PRTFDC1: variants seen among roughly 807,000 people sequenced by gnomAD.
The protein encoded by PRTFDC1 is phosphoribosyl transferase domain containing 1.
PRTFDC1 carries 38 observed loss-of-function variants against 34.6 expected under a neutral mutation model. The ratio of observed to expected loss-of-function variants is 1.10; its 90% confidence interval spans 0.85 to 1.44. The LOEUF (loss-of-function observed/expected upper bound fraction) is 1.44. Among genes scored for constraint, PRTFDC1 ranks in the 40% most tolerant of loss-of-function variants. PRTFDC1 has a pLI of 0.00. For synonymous variants in PRTFDC1, 93 were observed against 98.1 expected, an observed-to-expected ratio of 0.95 and a Z score of 0.31; for missense variants, 270 against 283.0, an observed-to-expected ratio of 0.95 and a Z score of 0.33.
intron 3 of PRTFDC1, among the ~76,000 whole-genome samples, chr10:24,891,081 T>C (rs556292785): frequency 1.3e-5 from 2 of 152,316 alleles, no homozygotes; most frequent in South Asian, 2.1e-4. Flanking sequence ...ACTTTGGGCA[T>C]AGTCATAAAA....
At chr10:24,882,883 C>T (rs904141279) in intron 3 of PRTFDC1, among the ~76,000 whole-genome samples, 7 of 150,650 alleles carry the variant, frequency 4.6e-5, no homozygotes, top group Non-Finnish European at 7.4e-5. Context: ...TTCTGAACAC[C>T]GAAAATATAA....
intron 3 of PRTFDC1, among the ~76,000 whole-genome samples, chr10:24,880,247 C>CT (rs1330120076): frequency 1.3e-5 from 2 of 149,798 alleles, no homozygotes; most frequent in African/African-American, 4.9e-5. Flanking sequence ...ATTTTTTTTT[C>CT]TTTTTTTTCT....
intron 1 of PRTFDC1, among the ~76,000 whole-genome samples, chr10:24,950,894 T>C (rs543424135): frequency 6.6e-6 from 1 of 152,346 alleles, no homozygotes; most frequent in African/African-American, 2.4e-5. Flanking sequence ...TCTCCAGAAT[T>C]CCAAATGTGA....
At chr10:24,936,248 A>G (rs1849048906) in intron 3 of PRTFDC1, among the ~76,000 whole-genome samples, 1 of 152,136 alleles carries the variant, frequency 6.6e-6, no homozygotes. Context: ...AAAGAAGTTA[A>G]CATCATAGAG....
intron 4 of PRTFDC1, among the ~76,000 whole-genome samples, chr10:24,869,217 CT>C (rs141753445): frequency 0.027 from 3,955 of 144,700 alleles, 147 homozygotes; most frequent in African/African-American, 0.086. Context: ...AGGCCTTTAT[CT>C]TTTTTTTTTT....
rs1178692890 is a variant in PRTFDC1 at position 24,855,342 on chromosome 10, T to C, written c.529A>G (p.Arg177Gly). ...VASLLVKRTS[R>G]SDGFRPDYAG... ...CAGTCAGGTCTAAAGCCGTCACTTC[T>C]GGATGTTCTCTTCACCAACAAACTA... The change falls in exon 7 of 9, where the codon AGA becomes GGA. Residue 177 changes from arginine to glycine, a missense_variant. Transcript: ENST00000320152. 2 of 1,614,032 alleles carry C rather than the reference T, an allele frequency of 1.2e-6. No individual in the cohort carries two copies. Among genetic ancestry groups the C allele is most frequent in the Non-Finnish European group, 1.7e-6 (2 of 1,180,014 alleles).
rs763633354 is a variant in PRTFDC1 at position 24,855,324 on chromosome 10, G to T, written c.547C>A (p.Pro183Thr). 6.2e-7 allele frequency: 1 copy of T among 1,613,742 alleles called. No individual in the cohort carries two copies. The highest frequency in any genetic ancestry group is 1.1e-5 in the South Asian group (1 of 91,060). ...KRTSRSDGFR[P>T]DYAGFEIPNL... Reference sequence around the variant, plus strand: ...AAAACTGAAAAACACTTACAGTCAGGTCTAAAGCCGTCACTTCTGGATGTT... The same window carrying T: ...AAAACTGAAAAACACTTACAGTCAGTTCTAAAGCCGTCACTTCTGGATGTT... The change falls in exon 7 of 9, where the codon CCT becomes ACT. Residue 183 changes from proline to threonine, a missense_variant. By Grantham distance (38) the Pro-to-Thr change is conservative. Transcript: ENST00000320152.
chr10:24,869,841 A>G (rs991308765), intron 4 of PRTFDC1, among the ~76,000 whole-genome samples: 2 of 152,144 alleles, frequency 1.3e-5, no homozygotes, highest in African/African-American at 2.4e-5. Context: ...GGGTGTGACC[A>G]TGTGGGCTTA....
chr10:24,852,554 C>T (rs1437182687), intron 7 of PRTFDC1, among the ~76,000 whole-genome samples: 1 of 152,182 alleles, frequency 6.6e-6, no homozygotes, highest in Non-Finnish European at 1.5e-5. Flanking sequence ...CCTCAGCCTC[C>T]TGAGTAGCTG....
At chr10:24,890,017 A>G (rs1175493311) in intron 3 of PRTFDC1, among the ~76,000 whole-genome samples, 1 of 152,240 alleles carries the variant, frequency 6.6e-6, no homozygotes, top group Non-Finnish European at 1.5e-5. Flanking sequence ...TCCAAGCAGA[A>G]TCTGGACTCC....
intron 3 of PRTFDC1, among the ~76,000 whole-genome samples, chr10:24,904,199 G>A (rs1848495687): frequency 1.3e-5 from 2 of 151,972 alleles, no homozygotes. Flanking sequence ...AGTTGTTTCA[G>A]TACCGGCCCT....
intron 6 of PRTFDC1, among the ~76,000 whole-genome samples, chr10:24,856,000 G>T (rs1278657929): frequency 1.3e-5 from 2 of 149,208 alleles, no homozygotes; most frequent in Non-Finnish European, 1.5e-5. Context: ...TGCAGTCTCA[G>T]CTACATGGGA....
In PRTFDC1 at chr10:24,900,413, C is replaced by G. The variant is rs113768347; in HGVS notation, c.340-28350G>C. Among the ~76,000 whole-genome samples the G allele has an allele frequency of 6.0e-3, 915 of 152,288 alleles. 8 individuals are homozygous for G. Among genetic ancestry groups the G allele is most frequent in the African/African-American group, 0.021 (881 of 41,556 alleles). On this transcript the variant is annotated intron_variant, in intron 3 of 8. Transcript: ENST00000320152. ...CGGAAGCTCTGTGGGTGATATTTTACCCTTAGGTAACTTAGAACTTTTGCA... is the reference window on the plus strand; with the variant it reads ...CGGAAGCTCTGTGGGTGATATTTTAGCCTTAGGTAACTTAGAACTTTTGCA...
chr10:24,901,579 A>G (rs1024691424), intron 3 of PRTFDC1, among the ~76,000 whole-genome samples: 1 of 152,112 alleles, frequency 6.6e-6, no homozygotes, highest in African/African-American at 2.4e-5. Context: ...TAAAAAAAAA[A>G]TTGGCCAGGC....
At chr10:24,857,821 T>G (rs1588572670) in intron 5 of PRTFDC1, among the ~76,000 whole-genome samples, 1 of 152,196 alleles carries the variant, frequency 6.6e-6, no homozygotes, top group Non-Finnish European at 1.5e-5. Context: ...CCATTTGCTG[T>G]ATTAGTCCAC....
chr10:24,849,129 T>G lies in PRTFDC1; in HGVS notation c.*715A>C, dbSNP rs1475424936. On this transcript the variant is annotated 3_prime_UTR_variant, in exon 9 of 9. Coordinates refer to ENST00000320152, the MANE Select transcript of PRTFDC1 (RefSeq NM_020200.7). ...GGGCCTTGCTGCTATTGTATTTTTT[T>G]CTAATTAAAATTCAGAGTATTAAAC... 1 of 152,460 alleles carries G rather than the reference T, an allele frequency of 6.6e-6. No individual in the cohort carries two copies. The highest frequency in any genetic ancestry group is 1.5e-5 in the Non-Finnish European group (1 of 68,050). The allele number at this position is 152,460 out of a possible 1,614,324, so 9.4% of individuals were successfully genotyped here. A position where few individuals can be genotyped will look rare whatever the true frequency, so the allele number is the denominator to read the frequency against.
At chr10:24,931,913 G>GA (rs374618686) in intron 3 of PRTFDC1, among the ~76,000 whole-genome samples, 37,479 of 131,892 alleles carry the variant, frequency 0.28, 5,391 homozygotes, top group Non-Finnish European at 0.35. Context: ...GGCACTATAA[G>GA]AAAAAAAAAA....
intron 3 of PRTFDC1, among the ~76,000 whole-genome samples, chr10:24,892,986 G>A (rs1241722676): frequency 6.6e-6 from 1 of 152,120 alleles, no homozygotes; most frequent in Admixed American, 6.5e-5. Flanking sequence ...TTAAAACCCT[G>A]GGATCTAGCT....
chr10:24,872,505 G>A (rs971166266), intron 3 of PRTFDC1, among the ~76,000 whole-genome samples: 33 of 151,914 alleles, frequency 2.2e-4, no homozygotes, highest in Admixed American at 2.2e-3. Flanking sequence ...TTCCCTGAGA[G>A]ACCGGAGGCC....
Sources: allele counts gnomAD v4.1 joint callset (sites outside exome capture counted in the v4.1 genomes callset), GRCh38; gene constraint gnomAD v4.1.1; transcripts MANE v1.5; gene names NCBI Gene and HGNC (gene_info 2026-07-23, HGNC 2026-07-21).